Variants in SLC6A5 observed in about 807,000 individuals in gnomAD.
SLC6A5 encodes the protein solute carrier family 6 member 5.
In SLC6A5, 58 loss-of-function variants were observed where a neutral mutation model predicts 90.5. The observed-to-expected ratio is 0.64, with a 90% confidence interval of 0.52 to 0.80. The LOEUF is 0.80. Ranked by LOEUF, SLC6A5 falls within the 30% of genes least tolerant of loss-of-function variation. SLC6A5 has a pLI of 0.00. For missense variants in SLC6A5, 1,015 were observed against 1,017.6 expected (o/e 1.00, Z 0.03); for synonymous variants, 427 against 401.4 (o/e 1.06, Z -0.76).
chr11:20,652,496 G>C, intron 15 of SLC6A5, 40 bp downstream of exon 15: 1 of 1,582,366 alleles, frequency 6.3e-7, no homozygotes, highest in African/African-American at 1.3e-5. Flanking sequence ...TTCCTCCCAA[G>C]GGAAAGCCCA....
rs1475463570 is a variant in SLC6A5 at position 20,656,050 on chromosome 11, A to G, written c.*1182A>G. ...GCCAATTAAGACTATAGCTTTTAAG[A>G]CTACATTTAGCCAATTCAATTTTAA... On this transcript the variant is annotated 3_prime_UTR_variant, in exon 16 of 16. Transcript: ENST00000525748. 6.6e-6 allele frequency: 1 copy of G among 152,210 alleles called. No individual in the cohort carries two copies. The highest frequency in any genetic ancestry group is 1.5e-5 in the Non-Finnish European group (1 of 68,038). 9.4% of individuals were successfully genotyped at this position (152,210 alleles called of 1,614,324 possible).
intron 6 of SLC6A5, among the ~76,000 whole-genome samples, chr11:20,615,070 T>C (rs1023668925): frequency 6.6e-6 from 1 of 152,224 alleles, no homozygotes; most frequent in African/African-American, 2.4e-5. Context: ...AAAGCCCATT[T>C]CAAAACCTTG....
In SLC6A5 at chr11:20,601,501, C is replaced by T; in HGVS notation, c.376C>T (p.Arg126Ter). 1 of 1,613,732 alleles carries T rather than the reference C, an allele frequency of 6.2e-7. No individual in the cohort carries two copies. The highest frequency in any genetic ancestry group is 1.1e-5 in the South Asian group (1 of 91,030). The change falls in exon 2 of 16, where the codon CGA becomes TGA. Residue 126 changes from arginine to a stop codon, truncating the protein, a stop_gained. Coordinates refer to ENST00000525748, the MANE Select transcript of SLC6A5 (RefSeq NM_004211.5). LOFTEE classifies it high-confidence loss of function. ...NALHCKIPFL[R>*]GPEGDANVSV... is the part of the protein sequence containing the mutation. ...GCTGCACTGTAAGATCCCTTTTCTG[C>T]GAGGCCCGGAGGGGGATGCGAACGT...
intron 14 of SLC6A5, among the ~76,000 whole-genome samples, chr11:20,650,960 C>T (rs1464341489): frequency 1.3e-5 from 2 of 151,862 alleles, no homozygotes; most frequent in East Asian, 3.9e-4. Flanking sequence ...GCCACCGCGC[C>T]CGGCCAGACG....
chr11:20,605,612 T>G (rs757537098), intron 3 of SLC6A5, among the ~76,000 whole-genome samples: 70 of 151,158 alleles, frequency 4.6e-4, no homozygotes, highest in Admixed American at 4.3e-3. Flanking sequence ...AGAAGGGGAG[T>G]GGGTTATCAG....
intron 13 of SLC6A5, 95 bp downstream of exon 13, chr11:20,638,653 A>G: frequency 1.2e-6 from 1 of 809,860 alleles, no homozygotes; most frequent in South Asian, 1.3e-5. Context: ...AAGACAATAC[A>G]GGGCTTAAAT....
At chr11:20,627,631 G>T (rs1054427213) in intron 8 of SLC6A5, among the ~76,000 whole-genome samples, 1 of 152,178 alleles carries the variant, frequency 6.6e-6, no homozygotes. Flanking sequence ...TTTTGCATCC[G>T]TTGTTATATT....
intron 10 of SLC6A5, among the ~76,000 whole-genome samples, chr11:20,633,656 A>T (rs972687148): frequency 3.3e-5 from 5 of 152,188 alleles, no homozygotes; most frequent in African/African-American, 9.7e-5. Context: ...ATCCCTTCTC[A>T]TAAGAAGACT....
At position 20,612,192 on chromosome 11, in the gene SLC6A5, G is replaced by A. The variant is rs141544765; in HGVS notation, c.986-2487G>A. Among the ~76,000 whole-genome samples, 297 of 152,346 alleles carry A rather than the reference G, an allele frequency of 1.9e-3. 2 individuals are homozygous for A. Among genetic ancestry groups the A allele is most frequent in the African/African-American group, 6.9e-3 (286 of 41,582 alleles). On this transcript the variant is annotated intron_variant, in intron 5 of 15. Transcript: ENST00000525748. ...GTGGTAGGCAATTTATGGCAGGCAA[G>A]TGGCCTTACGGGAGATGATGCTGAA...
chr11:20,649,252 G>C, intron 14 of SLC6A5, among the ~76,000 whole-genome samples: 1 of 152,142 alleles, frequency 6.6e-6, no homozygotes, highest in Non-Finnish European at 1.5e-5. Context: ...AAAATATCCT[G>C]AACCAGATTC....
rs1436692330 is a variant in SLC6A5, at chr11:20,606,893, C to T, written c.680-114C>T. ...TCAAAGGGCTTCTTCAGGAATGGAG[C>T]TAAATTGTCCTTTAGTTCTTTGAGA... On this transcript the variant is annotated intron_variant, in intron 3 of 15. Transcript: ENST00000525748. 7 of 1,334,194 alleles carry T rather than the reference C, an allele frequency of 5.2e-6. No homozygotes were observed. In the East Asian group the frequency reaches 1.6e-4, roughly 31 times the overall value. 82.6% of individuals were successfully genotyped at this position (1,334,194 alleles called of 1,614,324 possible).
intron 10 of SLC6A5, among the ~76,000 whole-genome samples, chr11:20,634,384 C>T (rs1048118955): frequency 1.2e-4 from 18 of 152,228 alleles, no homozygotes; most frequent in African/African-American, 3.1e-4. Flanking sequence ...AGAATGCCTT[C>T]ACCTGGGTGC....
chr11:20,647,477 G>C (rs909781142), intron 14 of SLC6A5, among the ~76,000 whole-genome samples: 5 of 135,872 alleles, frequency 3.7e-5, no homozygotes, highest in Non-Finnish European at 7.9e-5. Flanking sequence ...ATATATATCA[G>C]TTCCTATATA....
chr11:20,635,397 C>T (rs975646541), intron 10 of SLC6A5, among the ~76,000 whole-genome samples: 11 of 139,366 alleles, frequency 7.9e-5, no homozygotes, highest in African/African-American at 2.4e-4. Context: ...ATGTTTCATG[C>T]GCCGCCCCCC....
chr11:20,645,936 G>T (rs1469838254), intron 13 of SLC6A5, among the ~76,000 whole-genome samples: 8 of 152,108 alleles, frequency 5.3e-5, no homozygotes, highest in Non-Finnish European at 1.0e-4. Flanking sequence ...CGCCCGGCCA[G>T]AATGATGAGT....
intron 10 of SLC6A5, among the ~76,000 whole-genome samples, chr11:20,634,021 C>A (rs4244550): frequency 0.19 from 28,286 of 152,166 alleles, 3,059 homozygotes; most frequent in East Asian, 0.37. Flanking sequence ...ACAGGCGCCC[C>A]CCACTACGCC....
intron 4 of SLC6A5, 90 bp downstream of exon 4, chr11:20,607,228 T>C: frequency 6.7e-7 from 1 of 1,492,354 alleles, no homozygotes; most frequent in Non-Finnish European, 9.2e-7. Context: ...AGACCTGCCT[T>C]TGTGGTTAAT....
At chr11:20,614,966 A>T in intron 6 of SLC6A5, 146 bp downstream of exon 6, 1 of 777,264 alleles carries the variant, frequency 1.3e-6, no homozygotes, top group Admixed American at 1.9e-5. Context: ...TTCCAAGAGC[A>T]GATTGTTGTG....
At chr11:20,605,119 C>G (rs12286319) in intron 3 of SLC6A5, among the ~76,000 whole-genome samples, 1 of 151,846 alleles carries the variant, frequency 6.6e-6, no homozygotes, top group Non-Finnish European at 1.5e-5. Context: ...CTGTACCCAC[C>G]GAGGAGGGAC....
Sources: allele counts gnomAD v4.1 joint callset (sites outside exome capture counted in the v4.1 genomes callset), GRCh38; gene constraint gnomAD v4.1.1; transcripts MANE v1.5; gene names NCBI Gene and HGNC (gene_info 2026-07-23, HGNC 2026-07-21).